The following SBF2 variants were observed in gnomAD, a reference collection of about 807,000 sequenced individuals.
SBF2 encodes the protein myotubularin-related protein 13.
A neutral mutation model predicts 225.2 loss-of-function variants in SBF2; 112 were observed. That is an observed-to-expected ratio of 0.50 (90% CI 0.43 to 0.58). The LOEUF (loss-of-function observed/expected upper bound fraction) is 0.58, where lower values mean the gene tolerates loss of function less well. Among genes scored for constraint, SBF2 ranks in the 20% least tolerant of loss-of-function variants. The pLI, the probability that SBF2 is intolerant of heterozygous loss-of-function variation, is 0.00. For missense variants in SBF2, 1,996 were observed against 2,206.2 expected (o/e 0.90, Z 1.91); for synonymous variants, 763 against 773.3 (o/e 0.99, Z 0.22).
chr11:10,090,404 C>A (rs1029192616), intron 2 of SBF2, among the ~76,000 whole-genome samples: 2 of 152,174 alleles, frequency 1.3e-5, no homozygotes, highest in African/African-American at 4.8e-5. Flanking sequence ...CACCCAAACA[C>A]TGACACAGGT....
chr11:10,288,709 A>G (rs1313882071), intron 1 of SBF2, among the ~76,000 whole-genome samples: 1 of 151,958 alleles, frequency 6.6e-6, no homozygotes, highest in East Asian at 1.9e-4. Context: ...TTGTCCCATC[A>G]TCTCTGCATC....
chr11:9,878,098 A>G (rs954576151), intron 17 of SBF2, among the ~76,000 whole-genome samples: 30 of 152,300 alleles, frequency 2.0e-4, no homozygotes, highest in African/African-American at 7.0e-4. Flanking sequence ...TCTAACTGGC[A>G]TGAGATGGTA....
At position 9,785,012 on chromosome 11, in the gene SBF2, T is replaced by C. The variant is rs77716780; in HGVS notation, c.5231+113A>G. The C allele has an allele frequency of 2.4e-3, 2,265 of 952,328 alleles. 33 individuals carry two copies. The African/African-American group carries it at 0.032, about 13-fold the overall frequency. The allele number at this position is 952,328 out of a possible 1,614,324, so 59.0% of individuals were successfully genotyped here. A position where few individuals can be genotyped will look rare whatever the true frequency, so the allele number is the denominator to read the frequency against. On this transcript the variant is annotated intron_variant, in intron 37 of 39. Transcript: ENST00000256190. Reference sequence around the variant, plus strand: ...TTACAAAAATTAAAGCAAATCCATTTCAAGTTTATAAAAGGCTGTACTGCA... The same window carrying C: ...TTACAAAAATTAAAGCAAATCCATTCCAAGTTTATAAAAGGCTGTACTGCA...
chr11:9,781,835 G>A (rs527751285), intron 38 of SBF2, among the ~76,000 whole-genome samples, 197 bp from the exon 39 acceptor site: 1 of 152,266 alleles, frequency 6.6e-6, no homozygotes, highest in South Asian at 2.1e-4. Context: ...AGCATTGGGG[G>A]AAAGACTTAT....
chr11:10,025,418 A>G (rs546190702), intron 6 of SBF2, among the ~76,000 whole-genome samples: 1 of 151,970 alleles, frequency 6.6e-6, no homozygotes, highest in African/African-American at 2.4e-5. Context: ...CTTAAATTCC[A>G]ATTTTCCCTC....
rs574488318 is a variant in SBF2, at chr11:9,870,810, C to T, written c.1930-12414G>A. Among the ~76,000 whole-genome samples the T allele has an allele frequency of 1.3e-4, 20 of 152,044 alleles. No homozygotes were observed. The East Asian group carries it at 3.7e-3, about 28-fold the overall frequency. ...CCAACATGGTGAAACCCCGGCTCTA[C>T]TAAAAATACAAAAATTAGCTGGGTG... On this transcript the variant is annotated intron_variant, in intron 17 of 39. Transcript: ENST00000256190.
chr11:10,261,875 T>C (rs1961468630), intron 1 of SBF2, among the ~76,000 whole-genome samples: 1 of 152,288 alleles, frequency 6.6e-6, no homozygotes, highest in East Asian at 1.9e-4. Context: ...TAAAGAAATA[T>C]GTGCTATATG....
At chr11:10,159,688 G>A (rs1033705590) in intron 2 of SBF2, among the ~76,000 whole-genome samples, 2 of 152,118 alleles carry the variant, frequency 1.3e-5, no homozygotes, top group Non-Finnish European at 2.9e-5. Context: ...GGATCACGAG[G>A]TCAGGAGATC....
At chr11:9,932,885 C>G (rs1233162411) in intron 16 of SBF2, among the ~76,000 whole-genome samples, 1 of 145,626 alleles carries the variant, frequency 6.9e-6, no homozygotes, top group Non-Finnish European at 1.5e-5. Flanking sequence ...TCAGGAGACC[C>G]ATCTCACATG....
At chr11:9,833,327 C>T (rs911896450) in intron 26 of SBF2, among the ~76,000 whole-genome samples, 1 of 151,848 alleles carries the variant, frequency 6.6e-6, no homozygotes, top group Non-Finnish European at 1.5e-5. Context: ...GTTTCAGAGT[C>T]ATTTCTTTTT....
intron 1 of SBF2, among the ~76,000 whole-genome samples, chr11:10,223,516 A>G (rs1958429559): frequency 6.7e-6 from 1 of 150,064 alleles, no homozygotes; most frequent in Non-Finnish European, 1.5e-5. Flanking sequence ...ATGCATTTAT[A>G]GTATTGTACT....
At chr11:10,265,860 TG>T (rs1373064363) in intron 1 of SBF2, among the ~76,000 whole-genome samples, 1 of 43,272 alleles carries the variant, frequency 2.3e-5, no homozygotes, top group Non-Finnish European at 7.0e-5. Context: ...AGGCTAATTG[TG>T]TGTGTGTGTG....
chr11:10,165,970 T>C (rs948028937), intron 2 of SBF2, among the ~76,000 whole-genome samples: 3 of 152,158 alleles, frequency 2.0e-5, no homozygotes, highest in African/African-American at 7.2e-5. Flanking sequence ...ATAAGACTCT[T>C]AAAGATAATA....
rs369035547 is a variant in SBF2, at chr11:9,853,527, G to T, written c.2536+13C>A. 4.0e-5 allele frequency: 65 copies of T among 1,610,140 alleles called. No individual in the cohort carries two copies. The highest frequency in any genetic ancestry group is 2.8e-4 in the African/African-American group (21 of 74,814). ...CCAATATTCTGATTCTCTAATATCT[G>T]CAGAGTGATTACCTGGTATCATGCA... is the stretch of plus-strand genomic sequence containing the variant. On this transcript the variant is annotated intron_variant, in intron 20 of 39. Transcript: ENST00000256190.
At chr11:9,843,940 T>C (rs1410949426) in intron 24 of SBF2, 1 of 152,250 alleles carries the variant, frequency 6.6e-6, no homozygotes, top group African/African-American at 2.4e-5. Context: ...ATATATCTTT[T>C]GTTTCATATA....
chr11:10,231,846 G>A (rs1958862739), intron 1 of SBF2, among the ~76,000 whole-genome samples: 1 of 152,222 alleles, frequency 6.6e-6, no homozygotes, highest in Admixed American at 6.5e-5. Flanking sequence ...GTCAGACAGG[G>A]ACATTTAGGT....
At chr11:9,982,734 C>G (rs578120993) in intron 13 of SBF2, among the ~76,000 whole-genome samples, 1 of 152,122 alleles carries the variant, frequency 6.6e-6, no homozygotes, top group African/African-American at 2.4e-5. Flanking sequence ...CTGCGGGATT[C>G]GGGAGACACC....
At chr11:10,273,996 A>C (rs1013875349) in intron 1 of SBF2, among the ~76,000 whole-genome samples, 1 of 152,250 alleles carries the variant, frequency 6.6e-6, no homozygotes, top group Non-Finnish European at 1.5e-5. Flanking sequence ...ATACCTTGCA[A>C]ACCAGACTAC....
At chr11:9,799,426 G>A (rs774591322) in intron 32 of SBF2, among the ~76,000 whole-genome samples, 31 of 152,154 alleles carry the variant, frequency 2.0e-4, no homozygotes, top group Admixed American at 1.9e-3. Flanking sequence ...ACCTGCAGTC[G>A]CTAACTGGGG....
Sources: gnomAD v4.1 joint callset for allele counts (sites outside exome capture counted in the v4.1 genomes callset) on GRCh38, gnomAD v4.1.1 for gene constraint, MANE v1.5 for transcripts, NCBI Gene and HGNC (gene_info 2026-07-23, HGNC 2026-07-21) for gene names.